The following AK4 variants were observed in gnomAD, a reference collection of about 807,000 sequenced individuals.
The protein encoded by AK4 is adenylate kinase 4.
Under a neutral mutation model 24.6 loss-of-function variants are expected in AK4, and 13 were observed. That is an observed-to-expected ratio of 0.53 (90% CI 0.34 to 0.84). AK4 has a LOEUF of 0.84. AK4 is among the 40% of genes least tolerant of loss of function. The pLI is 0.01. For missense variants in AK4, 192 were observed against 288.2 expected, an observed-to-expected ratio of 0.67 and a Z score of 2.42; for synonymous variants, 88 against 107.0, an observed-to-expected ratio of 0.82 and a Z score of 1.10.
chr1:65,226,063 G>C lies in AK4; in HGVS notation c.558G>C (p.Lys186Asn). Residue 186 changes from lysine (K) to asparagine (N), a missense_variant and splice_region_variant, in exon 5 of 5, where the codon AAG becomes AAC. By Grantham distance (94) the Lys-to-Asn change is moderately conservative (BLOSUM62 0). Transcript: ENST00000327299. ...TTGTATGTTGGGCTTTGTTTTTCAG[G>C]AGCCGAGGAGTGCTCCACCAATTTT... ...DVAKPVIELY[K>N]SRGVLHQFSG... is the part of the protein sequence containing the mutation. 6.2e-7 allele frequency: 1 copy of C among 1,611,944 alleles called. No individual in the cohort carries two copies. The highest frequency in any genetic ancestry group is 8.5e-7 in the Non-Finnish European group (1 of 1,179,788).
chr1:65,161,278 CCATTTGTCA>C (rs1243659969), intron 1 of AK4, among the ~76,000 whole-genome samples: 1 of 152,034 alleles, frequency 6.6e-6, no homozygotes, highest in Non-Finnish European at 1.5e-5. Flanking sequence ...TTCATTTGTC[CCATTTGTCA>C]CATGTCCCAG....
At chr1:65,206,711 A>T (rs1257742536) in intron 2 of AK4, among the ~76,000 whole-genome samples, 1 of 152,254 alleles carries the variant, frequency 6.6e-6, no homozygotes, top group Non-Finnish European at 1.5e-5. Context: ...CCCAGGAGTT[A>T]GAGATTGCAG....
At chr1:65,185,173 C>T (rs1236591089) in intron 1 of AK4, among the ~76,000 whole-genome samples, 1 of 152,138 alleles carries the variant, frequency 6.6e-6, no homozygotes, top group Non-Finnish European at 1.5e-5. Flanking sequence ...TCCTTTGCTT[C>T]CACCATGCCA....
chr1:65,160,343 A>G (rs764775619), intron 1 of AK4, among the ~76,000 whole-genome samples: 35 of 152,342 alleles, frequency 2.3e-4, no homozygotes, highest in Non-Finnish European at 4.3e-4. Context: ...ACTGCTTCCA[A>G]GGTTGCACCT....
At chr1:65,150,285 C>CTT (rs71703627) in intron 1 of AK4, among the ~76,000 whole-genome samples, 40,122 of 140,464 alleles carry the variant, frequency 0.29, 5,909 homozygotes, top group East Asian at 0.52. Context: ...CTCTCTCTCT[C>CTT]TTTTTTTTTT....
Position 65,230,616 on chromosome 1 carries a change from A to G in AK4, c.*4439A>G, listed in dbSNP as rs1652613251. On this transcript the variant is annotated 3_prime_UTR_variant, in exon 5 of 5. Coordinates refer to ENST00000327299, the MANE Select transcript of AK4 (RefSeq NM_013410.4). ...ATTATAAATGGAAATAATCCTGTTT[A>G]TTTAAACGGGTTTTCATGTACCTGT... 2 of 152,212 alleles carry G rather than the reference A, an allele frequency of 1.3e-5. No homozygotes were observed. Among genetic ancestry groups the G allele is most frequent in the African/African-American group, 4.8e-5 (2 of 41,462 alleles). The allele number at this position is 152,212 out of a possible 1,614,324, so 9.4% of individuals were successfully genotyped here.
chr1:65,149,057 C>G (rs1649675197), intron 1 of AK4: 4 of 152,428 alleles, frequency 2.6e-5, no homozygotes, highest in Admixed American at 2.6e-4. Flanking sequence ...TCGCGCCTCT[C>G]CAGCCCCTCC....
intron 1 of AK4, among the ~76,000 whole-genome samples, chr1:65,169,475 A>G (rs1557442976): frequency 1.3e-5 from 2 of 152,306 alleles, no homozygotes; most frequent in South Asian, 2.1e-4. Flanking sequence ...TGGGCAGAGT[A>G]GCCAATGTTT....
chr1:65,164,760 A>G (rs183312483), intron 1 of AK4, among the ~76,000 whole-genome samples: 15 of 152,272 alleles, frequency 9.9e-5, no homozygotes, highest in African/African-American at 2.9e-4. Flanking sequence ...AGTCCAGATG[A>G]TCTATTTTTT....
At chr1:65,188,677 A>C (rs1235478982) in intron 1 of AK4, among the ~76,000 whole-genome samples, 1 of 151,468 alleles carries the variant, frequency 6.6e-6, no homozygotes, top group Non-Finnish European at 1.5e-5. Flanking sequence ...ACGGGGTTTC[A>C]CCGTGTTAGC....
chr1:65,168,229 C>A (rs1346854991), intron 1 of AK4, among the ~76,000 whole-genome samples: 2 of 148,334 alleles, frequency 1.3e-5, no homozygotes, highest in Non-Finnish European at 3.0e-5. Context: ...CTTATTGCAA[C>A]TCCGCCTCCC....
At chr1:65,182,938 C>G (rs961577180) in intron 1 of AK4, among the ~76,000 whole-genome samples, 1 of 152,106 alleles carries the variant, frequency 6.6e-6, no homozygotes, top group African/African-American at 2.4e-5. Flanking sequence ...AATTTTCTGC[C>G]TGACACAGAG....
At chr1:65,171,634 C>T (rs749078852) in intron 1 of AK4, among the ~76,000 whole-genome samples, 12 of 151,928 alleles carry the variant, frequency 7.9e-5, no homozygotes, top group Admixed American at 2.0e-4. Context: ...TCAGGTAAAA[C>T]GAATGTTGTT....
At position 65,169,194 on chromosome 1, in the gene AK4, AAAAAG is replaced by A. The variant is rs1163372246; in HGVS notation, c.145+20657_145+20661del. ...CTGTCTCAAAAAAAAAAAAAAAAAG[AAAAAG>A]AAAAGAAAAGAAAAAAACACACTTA... is the stretch of plus-strand genomic sequence containing the variant. On this transcript the variant is annotated intron_variant, in intron 1 of 4. Coordinates refer to ENST00000327299, the MANE Select transcript of AK4 (RefSeq NM_013410.4). Among the ~76,000 whole-genome samples, 569 of 150,980 alleles carry A rather than the reference AAAAAG, an allele frequency of 3.8e-3. 5 individuals are homozygous for A. The highest frequency in any genetic ancestry group is 0.013 in the African/African-American group (540 of 41,204).
At chr1:65,216,731 G>T (rs1652146218) in intron 2 of AK4, among the ~76,000 whole-genome samples, 1 of 136,580 alleles carries the variant, frequency 7.3e-6, no homozygotes, top group African/African-American at 3.3e-5. Context: ...ATCTCACTCT[G>T]TCACCCAGGC....
At chr1:65,200,821 G>A (rs986803826) in intron 2 of AK4, among the ~76,000 whole-genome samples, 7 of 148,322 alleles carry the variant, frequency 4.7e-5, no homozygotes, top group South Asian at 2.1e-4. Context: ...TTTTTGAGAC[G>A]GAGTCTCGCT....
intron 4 of AK4, 135 bp from the exon 5 acceptor site, chr1:65,225,928 A>G: frequency 1.1e-6 from 1 of 877,204 alleles, no homozygotes; most frequent in South Asian, 1.8e-5. Context: ...TACCTTTGAA[A>G]GGGGCTGTTT....
At chr1:65,183,433 G>A (rs918406061) in intron 1 of AK4, among the ~76,000 whole-genome samples, 5 of 151,924 alleles carry the variant, frequency 3.3e-5, no homozygotes, top group African/African-American at 7.3e-5. Context: ...TGTATTTTTG[G>A]GGGTTTTGCC....
At chr1:65,225,990 A>G in intron 4 of AK4, 73 bp from the exon 5 acceptor site, 1 of 1,482,838 alleles carries the variant, frequency 6.7e-7, no homozygotes, top group Non-Finnish European at 9.3e-7. Flanking sequence ...CTTGTTTTAT[A>G]TCTAGGATCT....
Sources: allele counts gnomAD v4.1 joint callset (sites outside exome capture counted in the v4.1 genomes callset), GRCh38; gene constraint gnomAD v4.1.1; transcripts MANE v1.5; gene names NCBI Gene and HGNC (gene_info 2026-07-23, HGNC 2026-07-21).